Variants in GNAL observed in about 807,000 individuals in gnomAD.
GNAL encodes the protein G protein subunit alpha L.
In GNAL, 18 loss-of-function variants were observed where a neutral mutation model predicts 55.1. The observed-to-expected ratio is 0.33, with a 90% CI of 0.23 to 0.48. GNAL has a LOEUF of 0.48. Among genes scored for constraint, GNAL ranks in the 20% least tolerant of loss-of-function variants. The pLI, the probability that GNAL is intolerant of heterozygous loss-of-function variation, is 0.99. For synonymous variants in GNAL, 253 were observed against 237.0 expected, an observed-to-expected ratio of 1.07 and a Z score of -0.62; for missense variants, 412 against 614.1, an observed-to-expected ratio of 0.67 and a Z score of 3.48.
chr18:11,708,759 A>T (rs190113154), intron 1 of GNAL, among the ~76,000 whole-genome samples: 3 of 152,266 alleles, frequency 2.0e-5, no homozygotes, highest in Admixed American at 1.3e-4. Context: ...TTGCCTCTTC[A>T]TTCTGTTGAT....
chr18:11,846,849 T>A (rs367634494), intron 5 of GNAL, among the ~76,000 whole-genome samples: 15 of 152,160 alleles, frequency 9.9e-5, no homozygotes, highest in African/African-American at 3.1e-4. Context: ...AGTGTTGTGA[T>A]TACAGGCATC....
chr18:11,873,850 G>A (rs545890506), intron 10 of GNAL, among the ~76,000 whole-genome samples: 7 of 133,230 alleles, frequency 5.3e-5, no homozygotes, highest in African/African-American at 1.2e-4. Context: ...CTCGGCGGCC[G>A]GGGGGTCCTT....
intron 4 of GNAL, among the ~76,000 whole-genome samples, chr18:11,776,742 T>TGCAAATG (rs1432002192): frequency 6.6e-6 from 1 of 151,710 alleles, no homozygotes; most frequent in Non-Finnish European, 1.5e-5. Flanking sequence ...ATTTACACCT[T>TGCAAATG]GCAAATGCAA....
At chr18:11,768,992 TTATAATATAGAA>T (rs2033522302) in intron 4 of GNAL, among the ~76,000 whole-genome samples, 1 of 105,346 alleles carries the variant, frequency 9.5e-6, no homozygotes, top group South Asian at 2.3e-4. Flanking sequence ...ATATTCTATA[TTATAATATAGAA>T]TATATATATT....
At position 11,868,610 on chromosome 18, in the gene GNAL, C is replaced by T. The variant is rs761347696; in HGVS notation, c.978C>T (p.Asn326=). ...ACATGGTGATTCGAGAAGATAACAA[C>T]ACCAACAGGCTGAGAGAGTCCCTGG... ...SYNMVIREDN[N]TNRLRESLDL... Residue 326 remains asparagine, a synonymous_variant, in exon 9 of 12, where the codon AAC becomes AAT. Transcript: ENST00000334049. The surrounding 1 kb of genome is among the most constrained non-coding windows in gnomAD (Gnocchi z 4.0). 1.1e-5 allele frequency: 18 copies of T among 1,612,058 alleles called. No homozygotes were observed. The highest frequency in any genetic ancestry group is 1.1e-5 in the Non-Finnish European group (13 of 1,178,484).
rs549142005 is a variant in GNAL, at chr18:11,774,209, C to T, written c.624+20264C>T. Among the ~76,000 whole-genome samples the T allele has an allele frequency of 3.3e-5, 5 of 152,244 alleles. No homozygotes were observed. In the South Asian group the frequency reaches 8.3e-4, roughly 25 times the overall value. ...GCCACGCACGGGGCCCAGTTTGACT[C>T]GGCACGTCTTGGTGTGGCCGAAGAA... On this transcript the variant is annotated intron_variant, in intron 4 of 11. Transcript: ENST00000334049.
In GNAL at chr18:11,728,993, A is replaced by G. The variant is rs139999589; in HGVS notation, c.377-23860A>G. On this transcript the variant is annotated intron_variant, in intron 1 of 11. Transcript: ENST00000334049. ...GACGAGTTAGTACTGGTTAGTAGAT[A>G]AAGTCTCCAAGAAACATCAGAGCCA... Among the ~76,000 whole-genome samples, 388 of 152,322 alleles carry G rather than the reference A, an allele frequency of 2.5e-3. 1 individual carries two copies. Among genetic ancestry groups the G allele is most frequent in the African/African-American group, 9.0e-3 (374 of 41,566 alleles).
intron 1 of GNAL, among the ~76,000 whole-genome samples, chr18:11,717,812 G>A (rs1437243646): frequency 6.6e-6 from 1 of 152,126 alleles, no homozygotes; most frequent in Non-Finnish European, 1.5e-5. Flanking sequence ...GTTGGGAGGA[G>A]GATCAGGAAA....
At chr18:11,794,784 A>AT (rs2034333989) in intron 4 of GNAL, among the ~76,000 whole-genome samples, 1 of 147,552 alleles carries the variant, frequency 6.8e-6, no homozygotes, top group Non-Finnish European at 1.5e-5. Context: ...AAAAAAAAAA[A>AT]GGACAGGCCA....
intron 5 of GNAL, chr18:11,857,812 C>G (rs139939610): frequency 2.4e-5 from 20 of 820,398 alleles, no homozygotes; most frequent in Admixed American, 6.2e-5. Context: ...TCCACCAGTA[C>G]GAACTCCTGG....
At chr18:11,746,189 G>A (rs2032683937) in intron 1 of GNAL, 3 of 544,654 alleles carry the variant, frequency 5.5e-6, no homozygotes, top group Admixed American at 1.9e-5. Context: ...CTGTGGAAAT[G>A]GTTAAATATC....
At chr18:11,865,602 A>T (rs1466048976) in intron 7 of GNAL, among the ~76,000 whole-genome samples, 1 of 148,104 alleles carries the variant, frequency 6.8e-6, no homozygotes, top group Non-Finnish European at 1.5e-5. Context: ...AAAAAAAAAA[A>T]AAATTAGCCA....
rs765785638 is a variant in GNAL, at chr18:11,884,517, G to A, written c.*3382G>A. On this transcript the variant is annotated 3_prime_UTR_variant, in exon 12 of 12. Coordinates refer to ENST00000334049, the MANE Select transcript of GNAL (RefSeq NM_182978.4). Reference sequence around the variant, plus strand: ...GTGAGGCTAGAAGCCCAAAGTGAGTGAGTGTGAGGACCACAAGGAAGCCCA... The same window carrying A: ...GTGAGGCTAGAAGCCCAAAGTGAGTAAGTGTGAGGACCACAAGGAAGCCCA... 2 of 1,614,158 alleles carry A rather than the reference G, an allele frequency of 1.2e-6. No homozygotes were observed. The highest frequency in any genetic ancestry group is 1.3e-5 in the African/African-American group (1 of 75,058).
intron 4 of GNAL, among the ~76,000 whole-genome samples, chr18:11,783,149 G>T (rs540708918): frequency 6.6e-6 from 1 of 152,038 alleles, no homozygotes; most frequent in Non-Finnish European, 1.5e-5. Context: ...TTACTTTTTC[G>T]TTCTGTATAT....
chr18:11,689,660 GC>G lies in GNAL; in HGVS notation c.101del (p.Pro34ArgfsTer48). The G allele has an allele frequency of 7.1e-7, 1 of 1,412,026 alleles. No homozygotes were observed. Among genetic ancestry groups the G allele is most frequent in the Non-Finnish European group, 9.2e-7 (1 of 1,090,020 alleles). The allele number at this position is 1,412,026 out of a possible 1,614,324, so 87.5% of individuals were successfully genotyped here. On this transcript the variant is annotated frameshift_variant, in exon 1 of 12. Coordinates refer to ENST00000334049, the MANE Select transcript of GNAL (RefSeq NM_182978.4). LOFTEE classifies it high-confidence loss of function. ...SEPPVEDAQP[A>X]PAPALAPVRA... The stretch of plus-strand genomic sequence containing the variant: ...GCCGCCGGTGGAGGACGCGCAGCCC[GC>G]CCCGGCCCCGGCCCTGGCCCCAGTC...
chr18:11,843,099 A>G (rs1001219436), intron 5 of GNAL, among the ~76,000 whole-genome samples: 1 of 152,180 alleles, frequency 6.6e-6, no homozygotes, highest in African/African-American at 2.4e-5. Context: ...TGGGAGGCCA[A>G]GGTGAAAAGA....
chr18:11,735,070 G>A (rs1252508871), intron 1 of GNAL, among the ~76,000 whole-genome samples: 2 of 151,088 alleles, frequency 1.3e-5, no homozygotes, highest in Non-Finnish European at 2.9e-5. Context: ...TTTTTTTTGA[G>A]ATGGAGTTTC....
intron 9 of GNAL, among the ~76,000 whole-genome samples, chr18:11,871,385 G>C (rs1364396593): frequency 2.0e-5 from 3 of 151,886 alleles, no homozygotes. Context: ...CGAGTAGCTG[G>C]GACTGCAGGC....
At chr18:11,813,308 T>C (rs2034870550) in intron 4 of GNAL, among the ~76,000 whole-genome samples, 1 of 151,870 alleles carries the variant, frequency 6.6e-6, no homozygotes, top group Non-Finnish European at 1.5e-5. Flanking sequence ...ATTATGTTCA[T>C]GGATTACACA....
Sources: gnomAD v4.1 joint callset for allele counts (sites outside exome capture counted in the v4.1 genomes callset) on GRCh38, gnomAD v4.1.1 for gene constraint, Gnocchi (gnomAD v3.1) non-coding constraint, MANE v1.5 for transcripts, NCBI Gene and HGNC (gene_info 2026-07-23, HGNC 2026-07-21) for gene names.